Variants in CSF1R observed in about 807,000 individuals in gnomAD.
The protein encoded by CSF1R is colony stimulating factor 1 receptor, also known as macrophage colony-stimulating factor 1 receptor.
Under a neutral mutation model 110.0 loss-of-function variants are expected in CSF1R, and 40 were observed. That is an observed-to-expected ratio of 0.36 (90% CI 0.28 to 0.47). The LOEUF (loss-of-function observed/expected upper bound fraction) is 0.47, where lower values mean the gene tolerates loss of function less well. Ranked by LOEUF, CSF1R falls within the 20% of genes least tolerant of loss-of-function variation. The pLI is 0.99. For synonymous variants in CSF1R, 523 were observed against 503.4 expected (o/e 1.04, Z -0.52); for missense variants, 1,052 against 1,253.0 (o/e 0.84, Z 2.42).
At chr5:150,109,275 G>C (rs924214851) in intron 1 of CSF1R, among the ~76,000 whole-genome samples, 1 of 152,154 alleles carries the variant, frequency 6.6e-6, no homozygotes, top group African/African-American at 2.4e-5. Context: ...TCCTCATCTG[G>C]AGGCTCCTCT....
chr5:150,074,065 A>G (rs1384720404), intron 5 of CSF1R, among the ~76,000 whole-genome samples: 1 of 152,132 alleles, frequency 6.6e-6, no homozygotes, highest in African/African-American at 2.4e-5. Context: ...CCCTCATTTT[A>G]CTGGTGTTGC....
chr5:150,055,634 T>C (rs1235906802), intron 18 of CSF1R, among the ~76,000 whole-genome samples: 1 of 152,218 alleles, frequency 6.6e-6, no homozygotes, highest in African/African-American at 2.4e-5. Flanking sequence ...TATGAGGGTA[T>C]AGGAGCAGCG....
intron 6 of CSF1R, among the ~76,000 whole-genome samples, chr5:150,071,075 C>A (rs1280438356): frequency 2.0e-5 from 3 of 152,142 alleles, no homozygotes; most frequent in Non-Finnish European, 2.9e-5. Context: ...CCTCTCTGAT[C>A]CCTCACTTCC....
rs1158357292 is a variant in CSF1R, at chr5:150,053,829, TA to T, written c.*239del. On this transcript the variant is annotated 3_prime_UTR_variant, in exon 21 of 21. Coordinates refer to ENST00000675795, the MANE Select transcript of CSF1R (RefSeq NM_001288705.3). Reference sequence around the variant, plus strand: ...CACGAGGCCAACACCATGAGAACAGTAGGGGAGGGGGGGGTGAGGGCTCAGC... The same window carrying T: ...CACGAGGCCAACACCATGAGAACAGTGGGGAGGGGGGGGTGAGGGCTCAGC... 91 of 532,084 alleles carry T rather than the reference TA, an allele frequency of 1.7e-4. No homozygotes were observed. In the African/African-American group the frequency reaches 2.0e-3, roughly 12 times the overall value. The allele number at this position is 532,084 out of a possible 1,614,324, so 33.0% of individuals were successfully genotyped here.
intron 1 of CSF1R, among the ~76,000 whole-genome samples, chr5:150,086,148 T>C (rs1367159821): frequency 1.3e-5 from 2 of 151,106 alleles, no homozygotes; most frequent in Admixed American, 1.3e-4. Flanking sequence ...ACACAGTGAG[T>C]CGCTGGCAGA....
At position 150,070,031 on chromosome 5, in the gene CSF1R, T is replaced by A. The variant is rs1163445788; in HGVS notation, c.1352A>T (p.Asp451Val). The change falls in exon 9 of 21, where the codon GAT (aspartate) becomes GTT (valine). Residue 451 changes from aspartate (D) to valine (V), a missense_variant. Physicochemically the swap from Asp to Val is radical, Grantham distance 152. Coordinates refer to ENST00000675795, the MANE Select transcript of CSF1R (RefSeq NM_001288705.3). ...GCTCAGGACCTCAGGGTATGGGTCA[T>A]CCCAGACCTGCAGCACTTGGGCCTC... ...CDEAQVLQVW[D>V]DPYPEVLSQE... 6.2e-7 allele frequency: 1 copy of A among 1,614,094 alleles called. No individual in the cohort carries two copies.
At chr5:150,058,204 A>G (rs1048527832) in intron 14 of CSF1R, 10 of 456,012 alleles carry the variant, frequency 2.2e-5, no homozygotes, top group African/African-American at 2.0e-4. Flanking sequence ...TGCAATGCAG[A>G]TTTTGAATCA....
intron 19 of CSF1R, 112 bp downstream of exon 19, chr5:150,055,125 G>T: frequency 1.1e-6 from 1 of 905,732 alleles, no homozygotes. Context: ...GAGAGATAAA[G>T]TCTGACCCTG....
chr5:150,058,320 C>G (rs1417445442), intron 14 of CSF1R: 1 of 456,284 alleles, frequency 2.2e-6, no homozygotes. Context: ...CTACTGTAGA[C>G]TGAAGCACTA....
chr5:150,096,371 C>T (rs1292723313), intron 1 of CSF1R, among the ~76,000 whole-genome samples: 3 of 152,060 alleles, frequency 2.0e-5, no homozygotes, highest in Non-Finnish European at 4.4e-5. Flanking sequence ...GCCTGGGCAA[C>T]AAGACTGAAA....
chr5:150,113,153 A>G (rs960649118), intron 1 of CSF1R: 3 of 152,104 alleles, frequency 2.0e-5, no homozygotes, highest in African/African-American at 7.3e-5. Flanking sequence ...CGGCCCCACA[A>G]CCCCTGAGAT....
At chr5:150,074,372 G>A (rs1758168426) in intron 5 of CSF1R, among the ~76,000 whole-genome samples, 1 of 145,260 alleles carries the variant, frequency 6.9e-6, no homozygotes, top group Admixed American at 7.1e-5. Context: ...CAGTGGCACA[G>A]TCTCTGCTCA....
chr5:150,077,471 T>C, intron 4 of CSF1R, 36 bp from the exon 5 acceptor site: 1 of 1,591,710 alleles, frequency 6.3e-7, no homozygotes. Context: ...TATACCAAGG[T>C]AGTTTAGGGA....
chr5:150,066,961 C>G (rs1010148565), intron 10 of CSF1R: 1 of 153,190 alleles, frequency 6.5e-6, no homozygotes, highest in Non-Finnish European at 1.5e-5. Context: ...CTGCTGCATC[C>G]TCATCCTCCA....
intron 1 of CSF1R, among the ~76,000 whole-genome samples, chr5:150,108,059 G>C (rs568469677): frequency 6.6e-6 from 1 of 152,234 alleles, no homozygotes; most frequent in East Asian, 1.9e-4. Context: ...AAGTGAGAAG[G>C]GTGAGGAGTT....
intron 3 of CSF1R, among the ~76,000 whole-genome samples, chr5:150,078,912 C>G (rs1758404178): frequency 6.6e-6 from 1 of 152,226 alleles, no homozygotes; most frequent in Admixed American, 6.5e-5. Context: ...CCGCCACTCC[C>G]CAGCTTGGTT....
Position 150,077,341 on chromosome 5 carries a change from T to C in CSF1R, c.824A>G (p.Asn275Ser). 6 of 1,614,230 alleles carry C rather than the reference T, an allele frequency of 3.7e-6. No individual in the cohort carries two copies. Among genetic ancestry groups the C allele is most frequent in the Non-Finnish European group, 5.1e-6 (6 of 1,180,046 alleles). The change falls in exon 5 of 21, where the codon AAC becomes AGC. Residue 275 changes from asparagine (N) to serine (S), a missense_variant. Asn to Ser is a conservative substitution (Grantham distance 46). Coordinates refer to ENST00000675795, the MANE Select transcript of CSF1R (RefSeq NM_001288705.3). Reference protein sequence around the residue: ...LDQVDFQHAGNYSCVASNVQG... With the variant: ...LDQVDFQHAGSYSCVASNVQG... ...CACGTTGCTGGCCACGCAGGAGTAG[T>C]TGCCGGCATGTTGGAAATCTACTTG...
chr5:150,095,175 G>A (rs918630826), intron 1 of CSF1R: 12 of 625,262 alleles, frequency 1.9e-5, no homozygotes, highest in Non-Finnish European at 3.0e-5. Flanking sequence ...TGATAGACCC[G>A]AAAGGAGAGA....
chr5:150,053,418 C>G lies in CSF1R; in HGVS notation c.*651G>C, dbSNP rs1757013003. On this transcript the variant is annotated 3_prime_UTR_variant, in exon 21 of 21. Transcript: ENST00000675795. ...TGTGGCCAGCCACATGCCAAGGTCC[C>G]CTGCCTTCTAGCCCAGAATGACGGG... is the stretch of plus-strand genomic sequence containing the variant. 1 of 234,364 alleles carries G rather than the reference C, an allele frequency of 4.3e-6. No homozygotes were observed. The highest frequency in any genetic ancestry group is 1.8e-4 in the South Asian group (1 of 5,564). 14.5% of individuals were successfully genotyped at this position (234,364 alleles called of 1,614,324 possible).
Sources: allele counts gnomAD v4.1 joint callset (sites outside exome capture counted in the v4.1 genomes callset), GRCh38; gene constraint gnomAD v4.1.1; transcripts MANE v1.5; gene names NCBI Gene and HGNC (gene_info 2026-07-23, HGNC 2026-07-21).